The following IKZF1 variants were observed in gnomAD, a reference collection of about 807,000 sequenced individuals.
The protein encoded by IKZF1 is DNA-binding protein Ikaros.
IKZF1 carries 10 observed loss-of-function variants against 51.7 expected under a neutral mutation model. The observed-to-expected ratio is 0.19, with a 90% CI of 0.12 to 0.33. IKZF1 has a LOEUF of 0.33. IKZF1 is among the 10% of genes least tolerant of loss of function. The pLI, the probability that IKZF1 is intolerant of heterozygous loss-of-function variation, is 1.00. For missense variants in IKZF1, 484 were observed against 707.5 expected (o/e 0.68, Z 3.58); for synonymous variants, 280 against 282.3 (o/e 0.99, Z 0.08).
intron 3 of IKZF1, among the ~76,000 whole-genome samples, chr7:50,333,463 C>T (rs1349727552): frequency 6.6e-6 from 1 of 152,124 alleles, no homozygotes; most frequent in Non-Finnish European, 1.5e-5. Flanking sequence ...CTTTTGAGCA[C>T]GGATGCGGAG....
Position 50,402,332 on chromosome 7 carries a change from A to G in IKZF1, c.*1705A>G, listed in dbSNP as rs1414133416. The G allele has an allele frequency of 4.3e-6, 1 of 230,670 alleles. No individual in the cohort carries two copies. The highest frequency in any genetic ancestry group is 5.7e-5 in the Admixed American group (1 of 17,690). The allele number at this position is 230,670 out of a possible 1,614,324, so 14.3% of individuals were successfully genotyped here. On this transcript the variant is annotated 3_prime_UTR_variant, in exon 8 of 8. Transcript: ENST00000331340. ...GGGTTCTTAGTCTCAGCACTATGACATTTTGGGCTGACTACTTATTTGTTA... is the reference window on the plus strand; with the variant it reads ...GGGTTCTTAGTCTCAGCACTATGACGTTTTGGGCTGACTACTTATTTGTTA...
chr7:50,393,432 T>C (rs76947776), intron 7 of IKZF1, among the ~76,000 whole-genome samples: 2,025 of 151,944 alleles, frequency 0.013, 45 homozygotes, highest in African/African-American at 0.044. Flanking sequence ...CAGGATGACA[T>C]GAAGGGGGAA....
intron 3 of IKZF1, among the ~76,000 whole-genome samples, chr7:50,344,899 G>A (rs202208645): frequency 2.0e-5 from 3 of 152,134 alleles, no homozygotes; most frequent in Non-Finnish European, 2.9e-5. Context: ...TTACACAGAT[G>A]AGGGGAAAAA....
chr7:50,340,161 G>T (rs901860075), intron 3 of IKZF1, among the ~76,000 whole-genome samples: 61 of 152,328 alleles, frequency 4.0e-4, no homozygotes, highest in African/African-American at 1.4e-3. Context: ...CCTCCACTGT[G>T]GAAGGGCTGG....
At chr7:50,399,386 A>T (rs1328787648) in intron 7 of IKZF1, among the ~76,000 whole-genome samples, 1 of 151,616 alleles carries the variant, frequency 6.6e-6, no homozygotes, top group East Asian at 1.9e-4. Context: ...ACACTAGATT[A>T]TTAAAATTAT....
rs1584889894 is a variant in IKZF1 at position 50,377,022 on chromosome 7, A to G, written c.421+229A>G. 5 of 669,072 alleles carry G rather than the reference A, an allele frequency of 7.5e-6. No homozygotes were observed. In the South Asian group the frequency reaches 1.0e-4, roughly 14 times the overall value. The allele number at this position is 669,072 out of a possible 1,614,324, so 41.4% of individuals were successfully genotyped here. On this transcript the variant is annotated intron_variant, in intron 4 of 7. Transcript: ENST00000331340. ...CCAATTCCACCCTATAAATAAAACAAGGGAAAAGTGAACAGCATCACATGA... is the reference window on the plus strand; with the variant it reads ...CCAATTCCACCCTATAAATAAAACAGGGGAAAAGTGAACAGCATCACATGA...
chr7:50,380,232 T>G (rs1249528782), intron 4 of IKZF1, among the ~76,000 whole-genome samples: 1 of 152,192 alleles, frequency 6.6e-6, no homozygotes, highest in African/African-American at 2.4e-5. Flanking sequence ...TGCTATGTGT[T>G]CATACCAGCA....
intron 3 of IKZF1, chr7:50,327,997 C>A (rs144981032): frequency 4.2e-6 from 2 of 479,124 alleles, no homozygotes; most frequent in South Asian, 2.9e-5. Flanking sequence ...AGTTGAGGAG[C>A]AATCCTGCCC....
chr7:50,322,371 G>A (rs887234687), intron 2 of IKZF1, among the ~76,000 whole-genome samples: 8 of 152,170 alleles, frequency 5.3e-5, no homozygotes, highest in Non-Finnish European at 1.0e-4. Context: ...CGAAATGCTA[G>A]ATAAACAGAT....
chr7:50,393,811 G>C (rs531575835), intron 7 of IKZF1: 1 of 233,136 alleles, frequency 4.3e-6, no homozygotes, highest in African/African-American at 2.2e-5. Flanking sequence ...AGAGATGGGT[G>C]GTGACTGGGG....
At chr7:50,329,592 TTTGCAAAAG>T (rs1383804872) in intron 3 of IKZF1, among the ~76,000 whole-genome samples, 1 of 152,184 alleles carries the variant, frequency 6.6e-6, no homozygotes, top group Non-Finnish European at 1.5e-5. Flanking sequence ...ATGATAAAAG[TTTGCAAAAG>T]TGGCACAGGA....
At chr7:50,396,981 C>T (rs1816880069) in intron 7 of IKZF1, among the ~76,000 whole-genome samples, 1 of 152,230 alleles carries the variant, frequency 6.6e-6, no homozygotes, top group Non-Finnish European at 1.5e-5. Context: ...CTCACTTCTC[C>T]ATGTTCATCT....
chr7:50,346,877 C>T (rs1800510058), intron 3 of IKZF1, among the ~76,000 whole-genome samples: 1 of 152,200 alleles, frequency 6.6e-6, no homozygotes, highest in Non-Finnish European at 1.5e-5. Flanking sequence ...GAGAGCTGAG[C>T]AGGAATAACA....
chr7:50,310,517 C>G (rs555964666), intron 1 of IKZF1, among the ~76,000 whole-genome samples: 4 of 152,118 alleles, frequency 2.6e-5, no homozygotes, highest in Admixed American at 2.0e-4. Flanking sequence ...GCCCCCTCCC[C>G]CTGGGTTTGC....
At chr7:50,362,340 G>GC (rs1482759110) in intron 3 of IKZF1, among the ~76,000 whole-genome samples, 1 of 152,248 alleles carries the variant, frequency 6.6e-6, no homozygotes, top group Admixed American at 6.5e-5. Context: ...GTAAGTGTCT[G>GC]CCAGGGGCAT....
At chr7:50,339,904 AT>A (rs1344486685) in intron 3 of IKZF1, among the ~76,000 whole-genome samples, 1 of 152,168 alleles carries the variant, frequency 6.6e-6, no homozygotes, top group African/African-American at 2.4e-5. Context: ...ATGTTACTAA[AT>A]TACTATGATT....
intron 3 of IKZF1, among the ~76,000 whole-genome samples, chr7:50,341,298 T>G (rs1799012260): frequency 6.6e-6 from 1 of 152,000 alleles, no homozygotes; most frequent in African/African-American, 2.4e-5. Context: ...CCCGCCACCA[T>G]GCCCAGCTGA....
At chr7:50,309,773 C>T (rs1251259780) in intron 1 of IKZF1, among the ~76,000 whole-genome samples, 1 of 152,064 alleles carries the variant, frequency 6.6e-6, no homozygotes, top group Non-Finnish European at 1.5e-5. Context: ...AAACCTAGAG[C>T]AAATAAAATT....
chr7:50,384,307 G>A (rs79001309), intron 5 of IKZF1, among the ~76,000 whole-genome samples: 1,866 of 151,574 alleles, frequency 0.012, 22 homozygotes, highest in Middle Eastern at 0.028. Context: ...GGAGTCACAG[G>A]GGCTGGTGCA....
Sources: allele counts gnomAD v4.1 joint callset (sites outside exome capture counted in the v4.1 genomes callset), GRCh38; gene constraint gnomAD v4.1.1; transcripts MANE v1.5; gene names NCBI Gene and HGNC (gene_info 2026-07-23, HGNC 2026-07-21).